Variants in CREBBP observed in about 807,000 individuals in gnomAD.
CREBBP encodes CREB-binding protein.
Under a neutral mutation model 265.0 loss-of-function variants are expected in CREBBP, and 19 were observed. The ratio of observed to expected loss-of-function variants is 0.07; its 90% CI spans 0.05 to 0.11. The LOEUF (loss-of-function observed/expected upper bound fraction) is 0.11, where lower values mean the gene tolerates loss of function less well. CREBBP is among the 10% of genes least tolerant of loss of function. The pLI is 1.00. For synonymous variants in CREBBP, 1,457 were observed against 1,223.7 expected, an observed-to-expected ratio of 1.19 and a Z score of -3.98; for missense variants, 2,525 against 3,219.0, an observed-to-expected ratio of 0.78 and a Z score of 5.22.
chr16:3,850,005 A>G (rs930433045), intron 2 of CREBBP, among the ~76,000 whole-genome samples: 3 of 152,196 alleles, frequency 2.0e-5, no homozygotes, highest in African/African-American at 7.2e-5. Context: ...CTCAGTGGGC[A>G]GTACACAGGC....
At chr16:3,849,437 GTGTGTGTGTGTGTGTGTGTGTGTGTGTGT>G (rs2054759682) in intron 2 of CREBBP, among the ~76,000 whole-genome samples, 2 of 16,478 alleles carry the variant, frequency 1.2e-4, no homozygotes, top group Non-Finnish European at 2.1e-4. Flanking sequence ...GTGTGTGTGT[GTGTGTGTGTGTGTGTGTGTGTGTGTGTGT>G]GTGTGTGTGT....
intron 1 of CREBBP, among the ~76,000 whole-genome samples, chr16:3,866,594 A>AT (rs923359817): frequency 6.6e-5 from 10 of 152,166 alleles, no homozygotes; most frequent in Admixed American, 4.6e-4. Context: ...TTTGTTTTGA[A>AT]TTTTTTTAAC....
At chr16:3,832,027 A>G (rs534715979) in intron 2 of CREBBP, among the ~76,000 whole-genome samples, 1 of 152,168 alleles carries the variant, frequency 6.6e-6, no homozygotes, top group Non-Finnish European at 1.5e-5. Context: ...AAAAAAAGAA[A>G]AGAGTAGAGA....
intron 6 of CREBBP, among the ~76,000 whole-genome samples, chr16:3,781,695 C>T (rs189117469): frequency 2.6e-5 from 4 of 152,186 alleles, no homozygotes; most frequent in Admixed American, 2.0e-4. Flanking sequence ...CCCCCAATAT[C>T]AGAAAATAAA....
At chr16:3,872,790 C>G (rs1043385001) in intron 1 of CREBBP, among the ~76,000 whole-genome samples, 1 of 152,198 alleles carries the variant, frequency 6.6e-6, no homozygotes, top group African/African-American at 2.4e-5. Context: ...GGTGCTTTTC[C>G]CAACAACCAG....
intron 2 of CREBBP, among the ~76,000 whole-genome samples, chr16:3,824,489 T>A (rs928866406): frequency 2.6e-5 from 4 of 152,226 alleles, no homozygotes; most frequent in Non-Finnish European, 5.9e-5. Flanking sequence ...GAGCTGGTTA[T>A]TCATACTGAT....
intron 2 of CREBBP, among the ~76,000 whole-genome samples, chr16:3,839,408 AGGT>A (rs1384388987): frequency 3.9e-5 from 6 of 152,102 alleles, no homozygotes; most frequent in Non-Finnish European, 7.4e-5. Flanking sequence ...AGGCTGGGTG[AGGT>A]GGCTCATGTC....
intron 2 of CREBBP, among the ~76,000 whole-genome samples, chr16:3,812,500 T>A (rs753807260): frequency 1.5e-4 from 23 of 151,762 alleles, no homozygotes; most frequent in South Asian, 1.3e-3. Context: ...ATAATAAAGT[T>A]TTTTATAAAA....
At chr16:3,770,389 TCTCA>T (rs1176420219) in intron 14 of CREBBP, among the ~76,000 whole-genome samples, 177 bp downstream of exon 14, 2 of 151,836 alleles carry the variant, frequency 1.3e-5, no homozygotes, top group Admixed American at 6.6e-5. Context: ...GGAGACGAGG[TCTCA>T]CTATGTTGCC....
At chr16:3,756,342 C>A (rs1259840994) in intron 19 of CREBBP, among the ~76,000 whole-genome samples, 1 of 152,232 alleles carries the variant, frequency 6.6e-6, no homozygotes, top group Non-Finnish European at 1.5e-5. Context: ...GCTCACACTG[C>A]AGCGGCACAT....
chr16:3,771,818 T>TA (rs1567300301), intron 13 of CREBBP, among the ~76,000 whole-genome samples: 6 of 147,020 alleles, frequency 4.1e-5, no homozygotes, highest in African/African-American at 1.5e-4. Context: ...TTTTTTTTTT[T>TA]TAAAAAAAAA....
chr16:3,857,444 A>T (rs2054986701), intron 1 of CREBBP, among the ~76,000 whole-genome samples: 1 of 152,224 alleles, frequency 6.6e-6, no homozygotes, highest in Non-Finnish European at 1.5e-5. Flanking sequence ...CACTGTCACC[A>T]CATTTCCATA....
rs370284914 is a variant in CREBBP at position 3,771,856 on chromosome 16, T to G, written c.2464-870A>C. 8.0e-5 allele frequency among the ~76,000 whole-genome samples: 12 copies of G among 149,570 alleles called. No homozygotes were observed. In the South Asian group the frequency reaches 2.1e-3, roughly 27 times the overall value. On this transcript the variant is annotated intron_variant, in intron 13 of 30. Transcript: ENST00000262367. ...GACAGAGTCTCGCTCTGTCACCCAG[T>G]CTGGAGTGCAATGGCATGATCTTGG...
chr16:3,775,900 C>A (rs533904277), intron 11 of CREBBP, among the ~76,000 whole-genome samples: 2 of 145,080 alleles, frequency 1.4e-5, no homozygotes, highest in African/African-American at 5.2e-5. Context: ...GGCTCAATTT[C>A]TCTGACTCCT....
In CREBBP at chr16:3,758,838, T is replaced by C; in HGVS notation, c.3369+16A>G. On this transcript the variant is annotated intron_variant, in intron 17 of 30. Transcript: ENST00000262367. The stretch of plus-strand genomic sequence containing the variant: ...ACACCAGCAAAGTTATAATCTATTT[T>C]TATGAATTAACTTACTGGAATTCCG... 1 of 1,574,222 alleles carries C rather than the reference T, an allele frequency of 6.4e-7. No individual in the cohort carries two copies. Among genetic ancestry groups the C allele is most frequent in the Non-Finnish European group, 8.7e-7 (1 of 1,145,252 alleles).
intron 2 of CREBBP, chr16:3,813,163 A>G (rs2053969909): frequency 4.3e-6 from 1 of 230,118 alleles, no homozygotes; most frequent in African/African-American, 2.2e-5. Context: ...GTATAACCAG[A>G]AAGTTCTAGC....
intron 19 of CREBBP, among the ~76,000 whole-genome samples, chr16:3,754,214 AG>A (rs1473460984): frequency 2.0e-5 from 3 of 152,222 alleles, no homozygotes; most frequent in African/African-American, 7.2e-5. Flanking sequence ...GGGGAGGAAG[AG>A]GGGCCCGTGG....
chr16:3,729,055 C>A lies in CREBBP; in HGVS notation c.5992G>T (p.Val1998Leu), dbSNP rs756378412. 2.1e-5 allele frequency: 33 copies of A among 1,585,018 alleles called. No individual in the cohort carries two copies. Among genetic ancestry groups the A allele is most frequent in the Non-Finnish European group, 2.0e-5 (24 of 1,171,252 alleles). Residue 1998 changes from valine (V) to leucine (L), a missense_variant, in exon 31 of 31, where the codon GTG (valine) becomes TTG (leucine). This residue lies in a region of CREBBP where 275 missense variants were observed against 276.5 expected (regional missense o/e 0.99). Coordinates refer to ENST00000262367, the MANE Select transcript of CREBBP (RefSeq NM_004380.3). ...TTGGGTCGGGGCACATTCAGGCTCA[C>A]GGGGGCCATCTGGCTCCCCGGGGTC... The part of the protein sequence containing the change: ...MGTPGSQMAP[V>L]SLNVPRPNQV...
At chr16:3,857,660 G>A (rs1366608882) in intron 1 of CREBBP, among the ~76,000 whole-genome samples, 1 of 152,188 alleles carries the variant, frequency 6.6e-6, no homozygotes, top group Non-Finnish European at 1.5e-5. Flanking sequence ...CGTTACCAGG[G>A]GGCCCGGGAG....
Sources: allele counts gnomAD v4.1 joint callset (sites outside exome capture counted in the v4.1 genomes callset), GRCh38; gene constraint gnomAD v4.1.1; regional missense constraint gnomAD v4.1.1; transcripts MANE v1.5; gene names NCBI Gene and HGNC (gene_info 2026-07-23, HGNC 2026-07-21).